ATP2B4: variants seen among roughly 807,000 people sequenced by gnomAD.
The protein encoded by ATP2B4 is ATPase plasma membrane Ca2+ transporting 4.
ATP2B4 carries 39 observed loss-of-function variants against 110.3 expected under a neutral mutation model. The ratio of observed to expected loss-of-function variants is 0.35; its 90% CI spans 0.27 to 0.46. ATP2B4 has a LOEUF of 0.46. ATP2B4 is among the 20% of genes least tolerant of loss of function. ATP2B4 has a pLI of 1.00. For synonymous variants in ATP2B4, 538 were observed against 571.7 expected, an observed-to-expected ratio of 0.94 and a Z score of 0.84; for missense variants, 1,135 against 1,530.9, an observed-to-expected ratio of 0.74 and a Z score of 4.32.
At chr1:203,645,292 A>C (rs528779029) in intron 1 of ATP2B4, among the ~76,000 whole-genome samples, 2 of 152,228 alleles carry the variant, frequency 1.3e-5, no homozygotes, top group East Asian at 1.9e-4. Context: ...AGCCCCTGTC[A>C]TCCTGCCTGG....
chr1:203,646,975 G>A (rs1449509970), intron 1 of ATP2B4, among the ~76,000 whole-genome samples: 3 of 151,968 alleles, frequency 2.0e-5, no homozygotes, highest in South Asian at 2.1e-4. Flanking sequence ...TTGGGAACAC[G>A]TTGCATAATA....
intron 1 of ATP2B4, among the ~76,000 whole-genome samples, chr1:203,642,402 G>A (rs1663661514): frequency 6.6e-6 from 1 of 152,156 alleles, no homozygotes; most frequent in South Asian, 2.1e-4. Context: ...TGCTTTGATG[G>A]GGGACATTAG....
chr1:203,633,048 T>C (rs1663324116), intron 1 of ATP2B4, among the ~76,000 whole-genome samples: 1 of 151,978 alleles, frequency 6.6e-6, no homozygotes, highest in South Asian at 2.1e-4. Context: ...CTTGAAAAAA[T>C]GACTAATTTC....
At chr1:203,735,013 A>AAAAAAAAAAAAAAAAAAAAAC in intron 20 of ATP2B4, among the ~76,000 whole-genome samples, 1 of 151,426 alleles carries the variant, frequency 6.6e-6, no homozygotes. Flanking sequence ...AAAAAAAAAA[A>AAAAAAAAAAAAAAAAAAAAAC]AAAAAAAAAA....
chr1:203,733,496 TGGTTTTTCCCTTTGATATTTTGACTTAA>T, intron 20 of ATP2B4: 2 of 1,292,450 alleles, frequency 1.5e-6, no homozygotes, highest in South Asian at 3.4e-5. Flanking sequence ...CTTTTCCTTT[TGGTTTTTCCCTTTGATATTTTGACTTAA>T]GGGAAGAAAA....
In ATP2B4 at chr1:203,729,501, C is replaced by T. The variant is rs914517765; in HGVS notation, c.3309+1930C>T. The T allele has an allele frequency of 4.6e-4, 181 of 391,370 alleles. 1 individual carries two copies. The highest frequency in any genetic ancestry group is 4.1e-4 in the African/African-American group (19 of 45,854). The allele number at this position is 391,370 out of a possible 1,614,324, so 24.2% of individuals were successfully genotyped here. On this transcript the variant is annotated intron_variant, in intron 20 of 20. Coordinates refer to ENST00000357681, the MANE Select transcript of ATP2B4 (RefSeq NM_001684.5). Reference sequence around the variant, plus strand: ...CTGAGGTTGCAGTGAGCTGAGATCGCGCCATTACACACCAGCCTGGGCAAC... The same window carrying T: ...CTGAGGTTGCAGTGAGCTGAGATCGTGCCATTACACACCAGCCTGGGCAAC...
In ATP2B4 at chr1:203,731,005, G is replaced by A. The variant is rs189476657; in HGVS notation, c.3309+3434G>A. Among the ~76,000 whole-genome samples the A allele has an allele frequency of 9.2e-5, 14 of 152,268 alleles. 1 individual carries two copies. In the East Asian group the frequency reaches 1.9e-3, roughly 21 times the overall value. On this transcript the variant is annotated intron_variant, in intron 20 of 20. Transcript: ENST00000357681. ...GTTGATCTTTGTTGTCATTCTCATC[G>A]CAGTGCTTTGGTATGGGAGGTGTTA...
intron 1 of ATP2B4, among the ~76,000 whole-genome samples, chr1:203,671,351 T>A (rs993450172): frequency 4.5e-4 from 68 of 152,096 alleles, no homozygotes; most frequent in African/African-American, 1.5e-3. Context: ...ATAAAAAAAA[T>A]AAGTCTCACT....
intron 1 of ATP2B4, among the ~76,000 whole-genome samples, chr1:203,647,520 G>A (rs1444409829): frequency 1.3e-5 from 2 of 152,150 alleles, no homozygotes; most frequent in Non-Finnish European, 2.9e-5. Flanking sequence ...AACACTTTGG[G>A]AGGCAAAGCG....
chr1:203,627,664 AAG>A (rs1374854318), intron 1 of ATP2B4, among the ~76,000 whole-genome samples: 1 of 141,732 alleles, frequency 7.1e-6, no homozygotes, highest in Non-Finnish European at 1.5e-5. Flanking sequence ...GAAAGCCCAA[AAG>A]AGAGATGGAA....
At chr1:203,685,227 G>A (rs1008943398) in intron 2 of ATP2B4, among the ~76,000 whole-genome samples, 8 of 152,218 alleles carry the variant, frequency 5.3e-5, no homozygotes, top group African/African-American at 1.9e-4. Flanking sequence ...CAGCCCAGTT[G>A]CCCAGTGTGC....
At position 203,629,696 on chromosome 1, in the gene ATP2B4, C is replaced by T. The variant is rs1473204373; in HGVS notation, c.-465+2477C>T. Among the ~76,000 whole-genome samples the T allele has an allele frequency of 3.3e-5, 5 of 152,194 alleles. No individual in the cohort carries two copies. The highest frequency in any genetic ancestry group is 7.2e-5 in the African/African-American group (3 of 41,460). ...CGGGCTCTGCTGTAGTCTGAGAACT[C>T]CGTGGAGAATGCGAACCGAGCGGCG... On this transcript the variant is annotated intron_variant, in intron 1 of 20. Coordinates refer to ENST00000357681, the MANE Select transcript of ATP2B4 (RefSeq NM_001684.5). The surrounding 1 kb of genome is among the most constrained non-coding windows in gnomAD (Gnocchi z 4.6).
chr1:203,702,006 G>A (rs1665706537), intron 6 of ATP2B4, 38 bp from the exon 7 acceptor site: 1 of 1,612,876 alleles, frequency 6.2e-7, no homozygotes, highest in African/African-American at 1.3e-5. Flanking sequence ...TAGTTACTTT[G>A]GGTTTCGACC....
Position 203,703,763 on chromosome 1 carries a change from C to A in ATP2B4, c.1049C>A (p.Ser350Ter). The change falls in exon 8 of 21, where the codon TCA (serine) becomes TAA (stop). Residue 350 changes from serine to a stop codon, truncating the protein, a stop_gained. Coordinates refer to ENST00000357681, the MANE Select transcript of ATP2B4 (RefSeq NM_001684.5). LOFTEE classifies it high-confidence loss of function. ...KAVKVPKKEK[S>*]VLQGKLTRLA... ...GTCAAGGTGCCTAAAAAGGAGAAGTCAGTGCTGCAGGGCAAGCTGACTCGC... is the reference window on the plus strand; with the variant it reads ...GTCAAGGTGCCTAAAAAGGAGAAGTAAGTGCTGCAGGGCAAGCTGACTCGC... 6.2e-7 allele frequency: 1 copy of A among 1,614,126 alleles called. No individual in the cohort carries two copies. Among genetic ancestry groups the A allele is most frequent in the South Asian group, 1.1e-5 (1 of 91,060 alleles).
At chr1:203,661,576 C>A (rs1664339645) in intron 1 of ATP2B4, among the ~76,000 whole-genome samples, 1 of 152,152 alleles carries the variant, frequency 6.6e-6, no homozygotes, top group African/African-American at 2.4e-5. Flanking sequence ...ACACAGATGC[C>A]TTTCTCCTGC....
intron 15 of ATP2B4, among the ~76,000 whole-genome samples, chr1:203,719,758 A>G (rs1271989735): frequency 2.0e-5 from 3 of 151,904 alleles, no homozygotes; most frequent in African/African-American, 7.2e-5. Flanking sequence ...AAATAAATGT[A>G]ATATATTCAT....
At chr1:203,714,040 G>A in intron 14 of ATP2B4, 131 bp from the exon 15 acceptor site, 1 of 824,008 alleles carries the variant, frequency 1.2e-6, no homozygotes, top group Non-Finnish European at 2.0e-6. Flanking sequence ...ACTGCCCTTA[G>A]GTGGTTCCTG....
chr1:203,692,524 C>T (rs1325449731), intron 2 of ATP2B4, among the ~76,000 whole-genome samples: 2 of 152,192 alleles, frequency 1.3e-5, no homozygotes, highest in African/African-American at 4.8e-5. Context: ...GCTGTCTGTC[C>T]TTCTCAAGTT....
intron 13 of ATP2B4, among the ~76,000 whole-genome samples, chr1:203,712,610 G>A (rs1463599805): frequency 6.6e-6 from 1 of 151,482 alleles, no homozygotes; most frequent in East Asian, 2.0e-4. Flanking sequence ...AAAAAAAAGA[G>A]GGGGGGAGTT....
Sources: gnomAD v4.1 joint callset for allele counts (sites outside exome capture counted in the v4.1 genomes callset) on GRCh38, gnomAD v4.1.1 for gene constraint, Gnocchi (gnomAD v3.1) non-coding constraint, MANE v1.5 for transcripts, NCBI Gene and HGNC (gene_info 2026-07-23, HGNC 2026-07-21) for gene names.